Variants in GALNTL6 observed in about 807,000 individuals in gnomAD.
The protein encoded by GALNTL6 is polypeptide N-acetylgalactosaminyltransferase-like 6.
A neutral mutation model predicts 73.7 loss-of-function variants in GALNTL6; 46 were observed. The ratio of observed to expected loss-of-function variants is 0.62; its 90% confidence interval spans 0.49 to 0.80. The LOEUF (loss-of-function observed/expected upper bound fraction) is 0.80. Among genes scored for constraint, GALNTL6 ranks in the 30% least tolerant of loss-of-function variants. The pLI is 0.00. For missense variants in GALNTL6, 604 were observed against 755.0 expected, an observed-to-expected ratio of 0.80 and a Z score of 2.34; for synonymous variants, 259 against 263.7, an observed-to-expected ratio of 0.98 and a Z score of 0.17.
intron 2 of GALNTL6, among the ~76,000 whole-genome samples, chr4:171,920,137 C>A (rs548663476): frequency 2.0e-5 from 3 of 152,062 alleles, no homozygotes; most frequent in East Asian, 1.9e-4. Context: ...GACAAAAAAA[C>A]CAAACACCGC....
intron 2 of GALNTL6, among the ~76,000 whole-genome samples, chr4:172,000,372 G>C (rs768714561): frequency 6.6e-6 from 1 of 152,112 alleles, no homozygotes; most frequent in Non-Finnish European, 1.5e-5. Context: ...GACCCTCTGA[G>C]GACTGCAGAA....
intron 5 of GALNTL6, among the ~76,000 whole-genome samples, chr4:172,551,839 A>G (rs1397970175): frequency 6.6e-6 from 1 of 152,182 alleles, no homozygotes; most frequent in Admixed American, 6.5e-5. Context: ...GTTGATATCT[A>G]CAAGGTAAAC....
chr4:172,026,079 A>G (rs13152598), intron 2 of GALNTL6, among the ~76,000 whole-genome samples: 13,522 of 152,052 alleles, frequency 0.089, 1,495 homozygotes, highest in African/African-American at 0.26. Context: ...TAAAAGCAAT[A>G]TTCAAAATTA....
At chr4:172,118,124 A>T (rs1055531441) in intron 2 of GALNTL6, among the ~76,000 whole-genome samples, 7 of 152,066 alleles carry the variant, frequency 4.6e-5, no homozygotes, top group Non-Finnish European at 1.0e-4. Flanking sequence ...TGGAGAGTAG[A>T]CAGCGGTATA....
intron 3 of GALNTL6, among the ~76,000 whole-genome samples, chr4:172,270,807 G>A (rs1054940942): frequency 1.3e-5 from 2 of 150,936 alleles, no homozygotes; most frequent in Non-Finnish European, 3.0e-5. Flanking sequence ...GATATATAAA[G>A]GTATTGTTAT....
At chr4:172,055,623 A>G (rs1299431683) in intron 2 of GALNTL6, among the ~76,000 whole-genome samples, 2 of 152,100 alleles carry the variant, frequency 1.3e-5, no homozygotes, top group East Asian at 1.9e-4. Context: ...CGTTTAGTCA[A>G]CCAGACATTG....
intron 5 of GALNTL6, among the ~76,000 whole-genome samples, chr4:172,761,928 T>C (rs1738129564): frequency 6.6e-6 from 1 of 152,198 alleles, no homozygotes; most frequent in Admixed American, 6.5e-5. Flanking sequence ...TCAGAAAACA[T>C]GTTGGGATCT....
chr4:171,852,497 C>T (rs1735548792), intron 2 of GALNTL6, among the ~76,000 whole-genome samples: 2 of 146,960 alleles, frequency 1.4e-5, no homozygotes, highest in South Asian at 4.6e-4. Flanking sequence ...GCATTTATCG[C>T]TGTCTAAATA....
At chr4:172,386,597 A>G (rs1743482394) in intron 5 of GALNTL6, among the ~76,000 whole-genome samples, 1 of 152,136 alleles carries the variant, frequency 6.6e-6, no homozygotes. Context: ...CAAGCTGGAG[A>G]ACCAGAGAAG....
chr4:172,882,709 G>T (rs779364730), intron 7 of GALNTL6, 81 bp from the exon 8 acceptor site: 2 of 943,998 alleles, frequency 2.1e-6, no homozygotes, highest in African/African-American at 1.6e-5. Flanking sequence ...AACATATCTT[G>T]AATTTTACTT....
At chr4:172,639,611 C>T (rs879880230) in intron 5 of GALNTL6, among the ~76,000 whole-genome samples, 9 of 152,034 alleles carry the variant, frequency 5.9e-5, no homozygotes, top group African/African-American at 9.7e-5. Context: ...TTCATTATTA[C>T]TTTACAACTC....
At chr4:172,524,244 T>G (rs1391309825) in intron 5 of GALNTL6, among the ~76,000 whole-genome samples, 1 of 151,872 alleles carries the variant, frequency 6.6e-6, no homozygotes, top group Admixed American at 6.6e-5. Flanking sequence ...TTTGCTCATT[T>G]ATTTATTTAT....
chr4:172,715,097 CA>C (rs147483524), intron 5 of GALNTL6, among the ~76,000 whole-genome samples: 2,675 of 150,368 alleles, frequency 0.018, 83 homozygotes, highest in African/African-American at 0.06. Context: ...ATGATTTCAA[CA>C]AAAAAAAATG....
intron 10 of GALNTL6, among the ~76,000 whole-genome samples, chr4:173,007,827 C>T (rs1752369856): frequency 6.6e-6 from 1 of 151,962 alleles, no homozygotes; most frequent in Admixed American, 6.6e-5. Flanking sequence ...CAAGATATGA[C>T]AAAAGGACAT....
At chr4:172,979,982 A>G (rs1750997022) in intron 10 of GALNTL6, among the ~76,000 whole-genome samples, 1 of 152,232 alleles carries the variant, frequency 6.6e-6, no homozygotes, top group East Asian at 1.9e-4. Context: ...AGATAATGCT[A>G]TATGTCTTTG....
Position 172,898,626 on chromosome 4 carries a change from G to GA in GALNTL6, c.1041+15726dup, listed in dbSNP as rs767990927. On this transcript the variant is annotated intron_variant, in intron 8 of 12. Transcript: ENST00000506823. ...AAAATCTAACCAGTTATTGCTGAGG[G>GA]AAAAAAATGCATTCTGAATATAGTA... is the stretch of plus-strand genomic sequence containing the variant. 1.2e-4 allele frequency among the ~76,000 whole-genome samples: 18 copies of GA among 152,028 alleles called. No homozygotes were observed. The South Asian group carries it at 1.2e-3, about 11-fold the overall frequency.
At chr4:172,325,511 G>A (rs945598238) in intron 4 of GALNTL6, among the ~76,000 whole-genome samples, 3 of 151,910 alleles carry the variant, frequency 2.0e-5, no homozygotes, top group African/African-American at 7.2e-5. Flanking sequence ...ATTCAAAGTA[G>A]CAGTGAAATG....
rs879724917 is a variant in GALNTL6 at position 172,737,724 on chromosome 4, C to A, written c.554-71637C>A. Among the ~76,000 whole-genome samples the A allele has an allele frequency of 2.6e-4, 39 of 152,084 alleles. 1 individual carries two copies. The highest frequency in any genetic ancestry group is 5.0e-4 in the Non-Finnish European group (34 of 68,018). ...TGCACTGGAGAATTAGTTATTTATT[C>A]CAGTTGTCTCTGTCTAACTTGTTCC... is the stretch of plus-strand genomic sequence containing the variant. On this transcript the variant is annotated intron_variant, in intron 5 of 12. Coordinates refer to ENST00000506823, the MANE Select transcript of GALNTL6 (RefSeq NM_001034845.3).
chr4:172,984,364 A>G (rs890379732), intron 10 of GALNTL6, among the ~76,000 whole-genome samples: 6 of 152,226 alleles, frequency 3.9e-5, no homozygotes. Flanking sequence ...TAAAACCATC[A>G]GATCTCAGGA....
Sources: gnomAD v4.1 joint callset for allele counts (sites outside exome capture counted in the v4.1 genomes callset) on GRCh38, gnomAD v4.1.1 for gene constraint, MANE v1.5 for transcripts, NCBI Gene and HGNC (gene_info 2026-07-23, HGNC 2026-07-21) for gene names.